Variants in RYR3 observed in about 807,000 individuals in gnomAD.
RYR3 encodes the protein ryanodine receptor 3.
RYR3 carries 207 observed loss-of-function variants against 584.3 expected under a neutral mutation model. The ratio of observed to expected loss-of-function variants is 0.35; its 90% CI spans 0.32 to 0.40. The LOEUF (loss-of-function observed/expected upper bound fraction) is 0.40. RYR3 is among the 10% of genes least tolerant of loss of function. The probability of loss-of-function intolerance (pLI) is 1.00; values close to 1 mark genes in which losing one functional copy is unlikely to be tolerated. For missense variants in RYR3, 5,616 were observed against 6,089.2 expected (o/e 0.92, Z 2.59); for synonymous variants, 2,416 against 2,248.5 (o/e 1.07, Z -2.11).
At chr15:33,616,309 C>T (rs1328195850) in intron 19 of RYR3, among the ~76,000 whole-genome samples, 2 of 152,184 alleles carry the variant, frequency 1.3e-5, no homozygotes, top group African/African-American at 4.8e-5. Flanking sequence ...ATCATTAGTT[C>T]ATCCCTTCCG....
intron 80 of RYR3, among the ~76,000 whole-genome samples, chr15:33,822,393 A>G (rs1465533863): frequency 6.6e-6 from 1 of 152,220 alleles, no homozygotes. Flanking sequence ...CCATTACTGC[A>G]TATAGCTTTT....
At chr15:33,735,051 T>C (rs1332769317) in intron 48 of RYR3, among the ~76,000 whole-genome samples, 3 of 152,186 alleles carry the variant, frequency 2.0e-5, no homozygotes, top group Admixed American at 1.3e-4. Flanking sequence ...TACTGTACTT[T>C]TAGAGCTTTT....
At chr15:33,720,301 AT>A (rs2067815982) in intron 43 of RYR3, among the ~76,000 whole-genome samples, 1 of 152,180 alleles carries the variant, frequency 6.6e-6, no homozygotes, top group African/African-American at 2.4e-5. Flanking sequence ...CACATTCGGT[AT>A]GTTCAAGATT....
intron 93 of RYR3, chr15:33,846,894 C>T (rs1189187053): frequency 6.6e-6 from 1 of 152,222 alleles, no homozygotes; most frequent in African/African-American, 2.4e-5. Context: ...GCTGCTGCTC[C>T]TTAGTTTGAG....
At chr15:33,587,133 A>G (rs758410131) in intron 16 of RYR3, among the ~76,000 whole-genome samples, 1 of 152,234 alleles carries the variant, frequency 6.6e-6, no homozygotes, top group Non-Finnish European at 1.5e-5. Context: ...GGTCCTTAGC[A>G]TGTGGGAAAT....
chr15:33,843,415 C>T, intron 91 of RYR3, 73 bp from the exon 92 acceptor site: 1 of 1,024,902 alleles, frequency 9.8e-7, no homozygotes, highest in South Asian at 1.4e-5. Context: ...CAGAACTGAC[C>T]TTCTGTGTGA....
intron 70 of RYR3, 93 bp from the exon 71 acceptor site, chr15:33,810,386 G>A: frequency 7.6e-7 from 1 of 1,307,734 alleles, no homozygotes; most frequent in Non-Finnish European, 1.1e-6. Context: ...TATACTGACA[G>A]GGCCACAAGG....
intron 1 of RYR3, among the ~76,000 whole-genome samples, chr15:33,313,958 T>C (rs991588488): frequency 9.2e-5 from 14 of 152,214 alleles, no homozygotes; most frequent in African/African-American, 3.1e-4. Flanking sequence ...CCAGAATTAC[T>C]GCAGTAACCA....
In RYR3 at chr15:33,546,690, C is replaced by T. The variant is rs2056267575; in HGVS notation, c.741-1440C>T. Among the ~76,000 whole-genome samples, 4 of 151,830 alleles carry T rather than the reference C, an allele frequency of 2.6e-5. 1 individual carries two copies. The South Asian group carries it at 8.4e-4, about 32-fold the overall frequency. On this transcript the variant is annotated intron_variant, in intron 8 of 103. Coordinates refer to ENST00000634891, the MANE Select transcript of RYR3 (RefSeq NM_001036.6). ...ACCCTTATTAGAAAGCAAACTGAGA[C>T]ACAGAGAGTTGAAGGGGCTTGCCCG...
intron 1 of RYR3, among the ~76,000 whole-genome samples, chr15:33,377,836 C>T (rs1209494277): frequency 1.3e-5 from 2 of 151,894 alleles, no homozygotes; most frequent in African/African-American, 4.8e-5. Flanking sequence ...TTATATCACC[C>T]AGGCTGGAGT....
At chr15:33,589,249 C>T (rs1023753127) in intron 16 of RYR3, among the ~76,000 whole-genome samples, 2 of 152,116 alleles carry the variant, frequency 1.3e-5, no homozygotes, top group Admixed American at 6.6e-5. Flanking sequence ...GTTGGCCATT[C>T]GTGTGTCTTC....
At position 33,462,688 on chromosome 15, in the gene RYR3, C is replaced by G. The variant is rs77463880; in HGVS notation, c.52-10731C>G. ...CAGATACCATAGATCTGATAACATACAAACACAGATACCATTGCACAATTT... is the reference window on the plus strand; with the variant it reads ...CAGATACCATAGATCTGATAACATAGAAACACAGATACCATTGCACAATTT... On this transcript the variant is annotated intron_variant, in intron 1 of 103. Transcript: ENST00000634891. Among the ~76,000 whole-genome samples, 532 of 152,186 alleles carry G rather than the reference C, an allele frequency of 3.5e-3. 1 individual carries two copies. Among genetic ancestry groups the G allele is most frequent in the African/African-American group, 0.012 (509 of 41,526 alleles).
At chr15:33,591,745 GA>G (rs560444205) in intron 16 of RYR3, among the ~76,000 whole-genome samples, 10 of 152,188 alleles carry the variant, frequency 6.6e-5, no homozygotes, top group Admixed American at 6.5e-4. Context: ...GTCTACCTTT[GA>G]GAAAAATATA....
intron 38 of RYR3, among the ~76,000 whole-genome samples, chr15:33,677,876 A>T (rs1218539377): frequency 6.6e-6 from 1 of 152,170 alleles, no homozygotes; most frequent in Middle Eastern, 3.2e-3. Flanking sequence ...GGCCAGTATG[A>T]CTGGGGCAGT....
chr15:33,348,625 G>T (rs898636168), intron 1 of RYR3, among the ~76,000 whole-genome samples: 1 of 151,992 alleles, frequency 6.6e-6, no homozygotes, highest in South Asian at 2.1e-4. Context: ...ACAGGCGTGC[G>T]CCACCATGCC....
rs764112773 is a variant in RYR3, at chr15:33,773,591, C to G, written c.9113C>G (p.Thr3038Arg). Residue 3038 changes from threonine (T) to arginine (R), a missense_variant, in exon 64 of 104, where the codon ACG becomes AGG. Thr to Arg is a moderately conservative substitution (Grantham distance 71). This residue lies in a region of RYR3 where 954 missense variants were observed against 1,132.2 expected (regional missense o/e 0.84). Coordinates refer to ENST00000634891, the MANE Select transcript of RYR3 (RefSeq NM_001036.6). ...HILCSLYSLGTGKNIYVERQR... is the reference protein window; with the variant it reads ...HILCSLYSLGRGKNIYVERQR... Reference sequence around the variant, plus strand: ...CTGTGCAGCCTCTACTCCCTTGGGACGGGAAAGAACATTTATGTTGAAAGG... The same window carrying G: ...CTGTGCAGCCTCTACTCCCTTGGGAGGGGAAAGAACATTTATGTTGAAAGG... 1 of 1,606,986 alleles carries G rather than the reference C, an allele frequency of 6.2e-7. No homozygotes were observed. The highest frequency in any genetic ancestry group is 8.5e-7 in the Non-Finnish European group (1 of 1,176,122).
intron 15 of RYR3, among the ~76,000 whole-genome samples, chr15:33,585,470 A>G (rs944037815): frequency 2.0e-5 from 3 of 152,190 alleles, no homozygotes; most frequent in Admixed American, 1.3e-4. Context: ...AAGGGGGAAA[A>G]GCCAAATAGA....
intron 19 of RYR3, among the ~76,000 whole-genome samples, chr15:33,622,214 C>T (rs181021036): frequency 2.4e-4 from 37 of 152,306 alleles, no homozygotes; most frequent in African/African-American, 8.7e-4. Flanking sequence ...ACCTCCTTGT[C>T]GGGGCTCATA....
chr15:33,473,268 A>G, intron 1 of RYR3, 151 bp from the exon 2 acceptor site: 1 of 903,484 alleles, frequency 1.1e-6, no homozygotes, highest in Non-Finnish European at 1.8e-6. Flanking sequence ...TGAATAAAAA[A>G]TCTCCTTCCG....
Sources: gnomAD v4.1 joint callset for allele counts (sites outside exome capture counted in the v4.1 genomes callset) on GRCh38, gnomAD v4.1.1 for gene constraint, gnomAD v4.1.1 regional missense constraint, MANE v1.5 for transcripts, NCBI Gene and HGNC (gene_info 2026-07-23, HGNC 2026-07-21) for gene names.